Variants in COL4A6 observed in about 807,000 individuals in gnomAD.
COL4A6 encodes the protein collagen alpha-6(IV) chain.
In COL4A6, 59 loss-of-function variants were observed where a neutral mutation model predicts 126.7. The ratio of observed to expected loss-of-function variants is 0.47; its 90% CI spans 0.38 to 0.58. The LOEUF is 0.58. Ranked by LOEUF, COL4A6 falls within the 20% of genes least tolerant of loss-of-function variation. The pLI, the probability that COL4A6 is intolerant of heterozygous loss-of-function variation, is 0.00. For synonymous variants in COL4A6, 547 were observed against 496.6 expected (o/e 1.10, Z -1.35); for missense variants, 1,285 against 1,337.3 (o/e 0.96, Z 0.61).
intron 40 of COL4A6, 31 bp downstream of exon 40, chrX:108,164,569 T>C: frequency 1.7e-6 from 2 of 1,182,548 alleles, no homozygotes; most frequent in Non-Finnish European, 1.1e-6. Context: ...CCTCGAGCTC[T>C]GGATCAGCCC....
intron 2 of COL4A6, among the ~76,000 whole-genome samples, chrX:108,365,973 G>T (rs1273799945): frequency 9.0e-6 from 1 of 111,576 alleles, no homozygotes; most frequent in African/African-American, 3.3e-5. Flanking sequence ...CAGAAATGGA[G>T]CAGAGGGGTC....
At chrX:108,185,522 G>A (rs868218869) in intron 23 of COL4A6, among the ~76,000 whole-genome samples, 3 of 111,540 alleles carry the variant, frequency 2.7e-5, no homozygotes, top group Middle Eastern at 4.6e-3. Flanking sequence ...TTATTACACC[G>A]ATTCACAAAA....
At chrX:108,325,586 A>G (rs2039136740) in intron 2 of COL4A6, among the ~76,000 whole-genome samples, 1 of 111,978 alleles carries the variant, frequency 8.9e-6, no homozygotes, top group African/African-American at 3.2e-5. Context: ...AAGATGAGGC[A>G]TCAATTTCTA....
At chrX:108,220,566 G>C (rs1295353486) in intron 4 of COL4A6, among the ~76,000 whole-genome samples, 1 of 111,671 alleles carries the variant, frequency 9.0e-6, no homozygotes, top group Non-Finnish European at 1.9e-5. Flanking sequence ...CCCTATATTT[G>C]TGGCCTAGAT....
At chrX:108,403,649 C>A (rs2041143392) in intron 2 of COL4A6, among the ~76,000 whole-genome samples, 1 of 111,290 alleles carries the variant, frequency 9.0e-6, no homozygotes, top group South Asian at 3.8e-4. Flanking sequence ...CCTAGTAACT[C>A]ATATTTGTCT....
chrX:108,371,788 A>G (rs1374798571), intron 2 of COL4A6, among the ~76,000 whole-genome samples: 1 of 103,926 alleles, frequency 9.6e-6, no homozygotes, highest in Admixed American at 1.1e-4. Flanking sequence ...ATACATAAAT[A>G]AAGTGTGTGA....
chrX:108,245,467 C>T (rs919178114), intron 3 of COL4A6, among the ~76,000 whole-genome samples: 3 of 111,844 alleles, frequency 2.7e-5, no homozygotes, highest in African/African-American at 6.5e-5. Context: ...AAAGCTGTGA[C>T]GTATTGGCAA....
chrX:108,428,475 A>G (rs976994950), intron 2 of COL4A6, among the ~76,000 whole-genome samples: 2 of 111,964 alleles, frequency 1.8e-5, no homozygotes, highest in Non-Finnish European at 3.8e-5. Flanking sequence ...AGCATCCACA[A>G]TAATACCTCA....
chrX:108,157,916 A>G (rs1017019713), intron 44 of COL4A6, among the ~76,000 whole-genome samples: 2 of 111,848 alleles, frequency 1.8e-5, no homozygotes, highest in Non-Finnish European at 3.8e-5. Flanking sequence ...TAGCCGGGCT[A>G]TCATCTGGAC....
chrX:108,213,071 A>C (rs1202954812), intron 6 of COL4A6, among the ~76,000 whole-genome samples: 2 of 111,521 alleles, frequency 1.8e-5, no homozygotes, highest in African/African-American at 6.5e-5. Context: ...TTTGGTCCTT[A>C]GGTGTCAAAG....
intron 2 of COL4A6, among the ~76,000 whole-genome samples, chrX:108,382,552 T>C (rs948787601): frequency 2.7e-5 from 3 of 111,182 alleles, no homozygotes; most frequent in Non-Finnish European, 5.7e-5. Context: ...CTGTGATAAA[T>C]TAATTGTAAT....
At chrX:108,176,359 T>C (rs2034488813) in intron 28 of COL4A6, among the ~76,000 whole-genome samples, 3 of 103,687 alleles carry the variant, frequency 2.9e-5, no homozygotes, top group African/African-American at 1.1e-4. Flanking sequence ...CACCGAGTTA[T>C]AGCTCATGTG....
At chrX:108,273,512 C>G (rs2037512408) in intron 3 of COL4A6, among the ~76,000 whole-genome samples, 1 of 112,026 alleles carries the variant, frequency 8.9e-6, no homozygotes, top group African/African-American at 3.3e-5. Context: ...AATCATGCTA[C>G]TATAAAGACA....
intron 3 of COL4A6, among the ~76,000 whole-genome samples, chrX:108,262,564 A>G (rs1309025301): frequency 8.9e-6 from 1 of 111,988 alleles, no homozygotes; most frequent in Non-Finnish European, 1.9e-5. Flanking sequence ...TTGAAGAAGA[A>G]GGAGAGTCCT....
intron 5 of COL4A6, among the ~76,000 whole-genome samples, chrX:108,218,293 A>G (rs1166845242): frequency 8.9e-6 from 1 of 112,657 alleles, no homozygotes; most frequent in African/African-American, 3.2e-5. Context: ...AGTGGCTCCC[A>G]GAAGATACAC....
At chrX:108,438,507 C>T, upstream of COL4A6, 5 of 958,659 alleles carry the variant, frequency 5.2e-6, no homozygotes, top group Non-Finnish European at 5.2e-6. Context: ...CTTGGGCAGC[C>T]GGTAGTCTTT....
chrX:108,158,329 C>G (rs373739950), intron 44 of COL4A6, among the ~76,000 whole-genome samples: 3 of 112,877 alleles, frequency 2.7e-5, no homozygotes, highest in East Asian at 5.5e-4. Flanking sequence ...ATAGGTATGT[C>G]TCATTGCTTC....
At chrX:108,426,443 G>A in intron 2 of COL4A6, among the ~76,000 whole-genome samples, 1 of 111,674 alleles carries the variant, frequency 9.0e-6, no homozygotes, top group East Asian at 2.8e-4. Flanking sequence ...TGGCAAACTA[G>A]CCTTATTGTT....
intron 31 of COL4A6, among the ~76,000 whole-genome samples, chrX:108,173,139 C>A (rs997484882): frequency 1.8e-4 from 20 of 112,325 alleles, no homozygotes; most frequent in African/African-American, 6.5e-4. Flanking sequence ...CAGCAAAGTT[C>A]TTTTCTTGAT....
Sources: allele counts gnomAD v4.1 joint callset (sites outside exome capture counted in the v4.1 genomes callset), GRCh38; gene constraint gnomAD v4.1.1; transcripts MANE v1.5; gene names NCBI Gene and HGNC (gene_info 2026-07-23, HGNC 2026-07-21).